The following NYX variants were observed in gnomAD, a reference collection of about 807,000 sequenced individuals.
NYX encodes nyctalopin, also known as leucine-rich repeat protein.
For synonymous variants in NYX, 258 were observed against 245.7 expected (o/e 1.05, Z -0.47); for missense variants, 481 against 485.4 (o/e 0.99, Z 0.09).
intron 2 of NYX, among the ~76,000 whole-genome samples, chrX:41,454,040 C>G (rs770052182): frequency 8.9e-6 from 1 of 112,074 alleles, no homozygotes; most frequent in African/African-American, 3.2e-5. Context: ...TGCATCTAGA[C>G]CTTTGATTTT....
At chrX:41,461,620 A>T (rs2064320342) in intron 2 of NYX, among the ~76,000 whole-genome samples, 1 of 110,370 alleles carries the variant, frequency 9.1e-6, no homozygotes, top group African/African-American at 3.3e-5. Flanking sequence ...TGTTTTCCAT[A>T]GTGGTTGTAG....
In NYX at chrX:41,474,911, G is replaced by T. The variant is rs367952714; in HGVS notation, c.*12G>T. ...TGCAGATGGACTGACCTGGCCAGAG[G>T]GGGGAAAGTTTGCTTAACTGGGCTT... On this transcript the variant is annotated 3_prime_UTR_variant, in exon 3 of 3. Transcript: ENST00000378220. 1.8e-4 allele frequency: 214 copies of T among 1,183,644 alleles called. No individual in the cohort carries two copies. In the African/African-American group the frequency reaches 3.3e-3, roughly 18 times the overall value.
intron 2 of NYX, among the ~76,000 whole-genome samples, chrX:41,460,213 G>T (rs1348106238): frequency 9.4e-6 from 1 of 106,187 alleles, no homozygotes; most frequent in Non-Finnish European, 1.9e-5. Flanking sequence ...TGTCACCCAG[G>T]CTGGAGTGCG....
chrX:41,465,333 T>C (rs1241267406), intron 2 of NYX, among the ~76,000 whole-genome samples: 7 of 110,681 alleles, frequency 6.3e-5, no homozygotes, highest in Admixed American at 5.8e-4. Flanking sequence ...AGAATTTTGT[T>C]CTGGCATTCA....
chrX:41,470,762 T>C (rs1217832075), intron 2 of NYX, among the ~76,000 whole-genome samples: 1 of 110,351 alleles, frequency 9.1e-6, no homozygotes, highest in East Asian at 2.8e-4. Flanking sequence ...ATCTGGTGTG[T>C]CTTCTATATG....
intron 2 of NYX, among the ~76,000 whole-genome samples, chrX:41,457,307 C>CAAAAA (rs752610260): frequency 4.5e-5 from 2 of 44,696 alleles, no homozygotes; most frequent in African/African-American, 9.4e-5. Context: ...AACTCCATCT[C>CAAAAA]AAAAAAAAAA....
At chrX:41,468,970 C>T (rs1430286179) in intron 2 of NYX, among the ~76,000 whole-genome samples, 8 of 111,388 alleles carry the variant, frequency 7.2e-5, no homozygotes, top group Non-Finnish European at 1.5e-4. Context: ...TTGCTGGAAG[C>T]TTGGTGTCTA....
Position 41,474,405 on chromosome X carries a change from G to C in NYX, c.937G>C (p.Ala313Pro), listed in dbSNP as rs775085199. 3 of 1,207,609 alleles carry C rather than the reference G, an allele frequency of 2.5e-6. No homozygotes were observed. The highest frequency in any genetic ancestry group is 2.2e-5 in the Admixed American group (1 of 46,096). Residue 313 changes from alanine (A) to proline (P), a missense_variant, in exon 3 of 3, where the codon GCC (alanine) becomes CCC (proline). Physicochemically the swap from Ala to Pro is conservative, Grantham distance 27 (BLOSUM62 -1). Coordinates refer to ENST00000378220, the MANE Select transcript of NYX (RefSeq NM_001378477.3). ...CAACGGCAACCGCCTCACCGTGCTC[G>C]CCTGGGTCGCCTTCCAGCCCGGCTT... ...HLNGNRLTVL[A>P]WVAFQPGFFL... is the part of the protein sequence containing the mutation.
rs147306268 is a variant in NYX at position 41,461,561 on chromosome X, C to T, written c.23-11930C>T. The stretch of plus-strand genomic sequence containing the variant: ...GAGTAGATACCCAGTAGTGGGATTG[C>T]TGGATCAAATGGTAGTTCTACTTTT... On this transcript the variant is annotated intron_variant, in intron 2 of 2. Coordinates refer to ENST00000378220, the MANE Select transcript of NYX (RefSeq NM_001378477.3). Among the ~76,000 whole-genome samples the T allele has an allele frequency of 3.3e-3, 360 of 110,292 alleles. 2 individuals are homozygous for T. Among genetic ancestry groups the T allele is most frequent in the African/African-American group, 0.011 (348 of 30,320 alleles).
intron 2 of NYX, among the ~76,000 whole-genome samples, chrX:41,468,294 T>A (rs951944470): frequency 9.8e-6 from 1 of 101,848 alleles, no homozygotes; most frequent in Non-Finnish European, 2.0e-5. Context: ...CAAATAATTT[T>A]TTTTTTTTTT....
chrX:41,474,321 A>T lies in NYX; in HGVS notation c.853A>T (p.Ile285Phe). Reference protein sequence around the residue: ...LELLYLDRNSIAFVEEGAFQN... With the variant: ...LELLYLDRNSFAFVEEGAFQN... ...GCTGCTCTACCTGGACCGCAACAGC[A>T]TCGCCTTCGTGGAGGAGGGCGCCTT... Residue 285 changes from isoleucine to phenylalanine, a missense_variant, in exon 3 of 3, where the codon ATC becomes TTC. Ile to Phe is a conservative substitution (Grantham distance 21, BLOSUM62 0). Coordinates refer to ENST00000378220, the MANE Select transcript of NYX (RefSeq NM_001378477.3). The T allele has an allele frequency of 8.3e-7, 1 of 1,208,517 alleles. No individual in the cohort carries two copies. The highest frequency in any genetic ancestry group is 1.1e-6 in the Non-Finnish European group (1 of 895,360).
Position 41,474,982 on chromosome X carries a change from G to A in NYX, c.*83G>A. The A allele has an allele frequency of 1.1e-6, 1 of 915,970 alleles. No individual in the cohort carries two copies. Among genetic ancestry groups the A allele is most frequent in the Non-Finnish European group, 1.5e-6 (1 of 647,612 alleles). The allele number at this position is 915,970 out of a possible 1,213,427, so 75.5% of individuals were successfully genotyped here. ...GAGAGGAGCCGGAATGGAGGGCAGA[G>A]GTGAAAATCCCAGTGGAGGGTGGAA... On this transcript the variant is annotated 3_prime_UTR_variant, in exon 3 of 3. Transcript: ENST00000378220.
chrX:41,470,077 T>C lies in NYX; in HGVS notation c.23-3414T>C, dbSNP rs147028505. On this transcript the variant is annotated intron_variant, in intron 2 of 2. Transcript: ENST00000378220. The stretch of plus-strand genomic sequence containing the variant: ...CAAGAAGGTCATTGATTTTATTTAG[T>C]ATGCTGTCCTTTTGGCTTAATTTTA... 6.7e-3 allele frequency among the ~76,000 whole-genome samples: 730 copies of C among 109,217 alleles called. 7 individuals carry two copies. Among genetic ancestry groups the C allele is most frequent in the African/African-American group, 0.022 (671 of 30,064 alleles). The allele number at this position is 109,217 out of a possible 115,157, so 94.8% of individuals were successfully genotyped here.
chrX:41,473,913 C>T lies in NYX; in HGVS notation c.445C>T (p.Leu149Phe), dbSNP rs1212847147. ...CCGCCTCTTCAGCGTGCCCGAGCGC[C>T]TCCTGGCCGAACTGCCGGCCCTGCG... ...ACRLFSVPER[L>F]LAELPALREL... is the part of the protein sequence containing the mutation. Residue 149 changes from leucine (L) to phenylalanine (F), a missense_variant, in exon 3 of 3, where the codon CTC becomes TTC. Transcript: ENST00000378220. 2.6e-5 allele frequency: 29 copies of T among 1,124,230 alleles called. No homozygotes were observed. The highest frequency in any genetic ancestry group is 3.4e-5 in the Non-Finnish European group (29 of 858,532). The allele number at this position is 1,124,230 out of a possible 1,213,427, so 92.6% of individuals were successfully genotyped here. A position where few individuals can be genotyped will look rare whatever the true frequency, so the allele number is the denominator to read the frequency against.
intron 2 of NYX, among the ~76,000 whole-genome samples, chrX:41,470,147 C>A (rs1324973212): frequency 1.8e-5 from 2 of 108,718 alleles, no homozygotes; most frequent in African/African-American, 6.7e-5. Flanking sequence ...GCTTTTCTTT[C>A]ATTCCCAATC....
chrX:41,448,849 C>T (rs1288630814), intron 2 of NYX, among the ~76,000 whole-genome samples: 5 of 111,197 alleles, frequency 4.5e-5, no homozygotes, highest in Admixed American at 9.7e-5. Flanking sequence ...CATGAACCAC[C>T]GTGCCCAGCC....
At chrX:41,468,677 G>A (rs985978330) in intron 2 of NYX, among the ~76,000 whole-genome samples, 15 of 112,144 alleles carry the variant, frequency 1.3e-4, no homozygotes, top group African/African-American at 4.9e-4. Flanking sequence ...CATACAGTGC[G>A]CCTGGAACAG....
At chrX:41,459,560 A>C (rs2147016159) in intron 2 of NYX, among the ~76,000 whole-genome samples, 1 of 110,570 alleles carries the variant, frequency 9.0e-6, no homozygotes, top group East Asian at 2.8e-4. Flanking sequence ...CGGAGGTTGC[A>C]GTGAGCCGAG....
chrX:41,461,919 A>G (rs923494724), intron 2 of NYX, among the ~76,000 whole-genome samples: 44 of 110,910 alleles, frequency 4.0e-4, no homozygotes, highest in African/African-American at 1.4e-3. Flanking sequence ...CTCCTGCCTC[A>G]GCCTCCTGAG....
Sources: gnomAD v4.1 joint callset for allele counts (sites outside exome capture counted in the v4.1 genomes callset) on GRCh38, gnomAD v4.1.1 for gene constraint, MANE v1.5 for transcripts, NCBI Gene and HGNC (gene_info 2026-07-23, HGNC 2026-07-21) for gene names.